ZNF454: variants seen among roughly 807,000 people sequenced by gnomAD.
ZNF454 encodes the protein zinc finger protein 454.
A neutral mutation model predicts 48.2 loss-of-function variants in ZNF454; 30 were observed. That is an observed-to-expected ratio of 0.62 (90% confidence interval 0.47 to 0.84). ZNF454 has a LOEUF of 0.84. Among genes scored for constraint, ZNF454 ranks in the 40% least tolerant of loss-of-function variants. ZNF454 has a pLI of 0.00. For missense variants in ZNF454, 510 were observed against 623.1 expected (o/e 0.82, Z 1.93); for synonymous variants, 204 against 211.4 (o/e 0.97, Z 0.30).
In ZNF454 at chr5:178,965,556, T is replaced by C; in HGVS notation, c.1152T>C (p.Tyr384=). 1 of 1,614,140 alleles carries C rather than the reference T, an allele frequency of 6.2e-7. No homozygotes were observed. Among genetic ancestry groups the C allele is most frequent in the Non-Finnish European group, 8.5e-7 (1 of 1,180,022 alleles). The part of the protein sequence containing the change: ...HQRIHTGEKP[Y]KCNECGKAFR... ...GAATTCATACTGGAGAGAAACCTTA[T>C]AAATGTAATGAATGTGGGAAAGCTT... Residue 384 remains tyrosine, a synonymous_variant, in exon 5 of 5, where the codon TAT becomes TAC. Transcript: ENST00000519564. This position sits in a 1 kb window ranked among gnomAD's most constrained non-coding sequence, Gnocchi z 5.2.
the ZNF454 span, chr5:178,989,067 C>G: frequency 6.2e-7 from 1 of 1,613,958 alleles, no homozygotes; most frequent in Non-Finnish European, 8.5e-7. Flanking sequence ...ATGGCGTACA[C>G]CGCATCAATC....
Position 178,964,664 on chromosome 5 carries a change from C to G in ZNF454, c.260C>G (p.Thr87Ser), listed in dbSNP as rs866526243. The change falls in exon 5 of 5, where the codon ACT (threonine) becomes AGT (serine). Residue 87 changes from threonine (T) to serine (S), a missense_variant. Around this residue, in one of 3 missense-constraint regions of ZNF454, gnomAD observed 354 missense variants for 408.9 expected, o/e 0.87. Coordinates refer to ENST00000519564, the MANE Select transcript of ZNF454 (RefSeq NM_001178089.3). ...TTTTAATGTCTTTCAGACTGGATGA[C>G]TATGCCTGCCAGTAAGAAATCTACT... is the stretch of plus-strand genomic sequence containing the variant. Reference protein sequence around the residue: ...TPGGFCLDWMTMPASKKSTVK... With the variant: ...TPGGFCLDWMSMPASKKSTVK... 11 of 1,612,200 alleles carry G rather than the reference C, an allele frequency of 6.8e-6. No individual in the cohort carries two copies. Among genetic ancestry groups the G allele is most frequent in the Non-Finnish European group, 9.3e-6 (11 of 1,178,486 alleles).
the ZNF454 span, chr5:178,982,706 A>G: frequency 4.9e-5 from 26 of 530,454 alleles, no homozygotes; most frequent in Admixed American, 6.7e-4. Flanking sequence ...AAAAAAAAAG[A>G]AAAAAAGAAG....
chr5:178,970,701 C>A (rs750234758), downstream of ZNF454, among the ~76,000 whole-genome samples: 8 of 152,148 alleles, frequency 5.3e-5, no homozygotes, highest in Non-Finnish European at 1.2e-4. Context: ...ACCTCGTGAT[C>A]CACTTGCCTC....
At chr5:178,967,745 T>TC (rs1554112145), downstream of ZNF454, among the ~76,000 whole-genome samples, 11 of 101,938 alleles carry the variant, frequency 1.1e-4, no homozygotes, top group Non-Finnish European at 1.6e-4. Flanking sequence ...TCTTTTTCTT[T>TC]TTTTTTTTTT....
chr5:178,976,352 A>T, the ZNF454 span, among the ~76,000 whole-genome samples: 1 of 152,158 alleles, frequency 6.6e-6, no homozygotes, highest in South Asian at 2.1e-4. Context: ...TGCAAGTCCT[A>T]TGAGGGAAGC....
downstream of ZNF454, chr5:178,968,680 C>T (rs1452750611): frequency 6.8e-6 from 3 of 438,600 alleles, no homozygotes; most frequent in African/African-American, 2.0e-5. Flanking sequence ...AGATGTCTGT[C>T]TTCACCCCAT....
the ZNF454 span, chr5:178,985,715 CA>C: frequency 5.2e-6 from 2 of 384,882 alleles, no homozygotes; most frequent in African/African-American, 2.3e-5. Context: ...AAAAAAAAAA[CA>C]AAACAACACA....
intron 4 of ZNF454, among the ~76,000 whole-genome samples, chr5:178,955,377 C>T (rs917857700): frequency 1.3e-5 from 2 of 152,168 alleles, no homozygotes; most frequent in African/African-American, 4.8e-5. Context: ...AGTTTATGCC[C>T]ATTTCTGGTT....
chr5:178,976,961 C>T, the ZNF454 span, among the ~76,000 whole-genome samples: 1 of 152,284 alleles, frequency 6.6e-6, no homozygotes, highest in African/African-American at 2.4e-5. Flanking sequence ...TTCCCCTAGA[C>T]TAATGTGCCC....
chr5:178,987,312 AG>A, the ZNF454 span: 1 of 511,136 alleles, frequency 2.0e-6, no homozygotes. Flanking sequence ...ACTCCCGGGT[AG>A]ATACTCGAGA....
intron 4 of ZNF454, among the ~76,000 whole-genome samples, chr5:178,958,538 T>C (rs1759871238): frequency 6.6e-6 from 1 of 152,260 alleles, no homozygotes; most frequent in African/African-American, 2.4e-5. Context: ...TTACGAATAG[T>C]ACCATTATGA....
chr5:178,981,571 C>T, the ZNF454 span: 29 of 1,056,442 alleles, frequency 2.7e-5, no homozygotes, highest in African/African-American at 2.5e-4. The surrounding 1 kb of genome is among the most constrained non-coding windows in gnomAD (Gnocchi z 5.1). Context: ...GACTGTTCAC[C>T]GTGGACCCGG....
At chr5:178,968,454 C>T (rs898821771), downstream of ZNF454, among the ~76,000 whole-genome samples, 1 of 152,172 alleles carries the variant, frequency 6.6e-6, no homozygotes. Flanking sequence ...TAAATTCAGC[C>T]TTCATCTAAT....
intron 4 of ZNF454, among the ~76,000 whole-genome samples, chr5:178,956,680 T>C (rs1759768812): frequency 1.4e-5 from 1 of 71,626 alleles, no homozygotes; most frequent in Non-Finnish European, 2.7e-5. Flanking sequence ...ATTTAATTTA[T>C]TTATTTATTT....
In ZNF454 at chr5:178,944,196, T is replaced by G. The variant is rs1266536456; in HGVS notation, c.33+1372T>G. 6.6e-6 allele frequency among the ~76,000 whole-genome samples: 1 copy of G among 152,138 alleles called. No homozygotes were observed. Among genetic ancestry groups the G allele is most frequent in the Non-Finnish European group, 1.5e-5 (1 of 68,026 alleles). ...TCACTGGAAAGGATGACCAGCTAGG[T>G]GGGAGCGCCATGTTCAACATAGCAC... On this transcript the variant is annotated intron_variant, in intron 2 of 4. Coordinates refer to ENST00000519564, the MANE Select transcript of ZNF454 (RefSeq NM_001178089.3). The surrounding 1 kb of genome is among the most constrained non-coding windows in gnomAD (Gnocchi z 4.1).
At chr5:178,981,416 T>C in the ZNF454 span, 7 of 521,496 alleles carry the variant, frequency 1.3e-5, no homozygotes, top group Non-Finnish European at 2.1e-5. This position sits in a 1 kb window ranked among gnomAD's most constrained non-coding sequence, Gnocchi z 5.1. Flanking sequence ...TCTCGGTGGC[T>C]GTTTCCCACC....
At chr5:178,987,236 C>T in the ZNF454 span, 1 of 639,818 alleles carries the variant, frequency 1.6e-6, no homozygotes, top group Non-Finnish European at 2.9e-6. Flanking sequence ...TGGGAAAAGG[C>T]TGCAGCCGCT....
chr5:178,943,617 ACT>A (rs1759199854), intron 2 of ZNF454, among the ~76,000 whole-genome samples: 1 of 152,022 alleles, frequency 6.6e-6, no homozygotes, highest in Non-Finnish European at 1.5e-5. Flanking sequence ...GATTTACTAG[ACT>A]CTTTTTCTTT....
Sources: gnomAD v4.1 joint callset for allele counts (sites outside exome capture counted in the v4.1 genomes callset) on GRCh38, gnomAD v4.1.1 for gene constraint, gnomAD v4.1.1 regional missense constraint, Gnocchi (gnomAD v3.1) non-coding constraint, MANE v1.5 for transcripts, NCBI Gene and HGNC (gene_info 2026-07-23, HGNC 2026-07-21) for gene names.